The following THSD7B variants were observed in gnomAD, a reference collection of about 807,000 sequenced individuals.
THSD7B encodes the protein thrombospondin type-1 domain-containing protein 7B.
In THSD7B, 138 loss-of-function variants were observed where a neutral mutation model predicts 213.6. The observed-to-expected ratio is 0.65, with a 90% CI of 0.56 to 0.74. The LOEUF (loss-of-function observed/expected upper bound fraction) is 0.74, where lower values mean the gene tolerates loss of function less well. THSD7B is among the 30% of genes least tolerant of loss of function. The probability of loss-of-function intolerance (pLI) is 0.00; values close to 1 mark genes in which losing one functional copy is unlikely to be tolerated. For synonymous variants in THSD7B, 742 were observed against 687.0 expected (o/e 1.08, Z -1.25); for missense variants, 1,931 against 1,991.5 (o/e 0.97, Z 0.58).
At chr2:137,323,081 A>G (rs1181508785) in intron 12 of THSD7B, among the ~76,000 whole-genome samples, 1 of 152,210 alleles carries the variant, frequency 6.6e-6, no homozygotes, top group Admixed American at 6.5e-5. Flanking sequence ...CATACAGTGT[A>G]GTAGAAACTC....
chr2:136,980,072 G>T (rs1163844457), intron 2 of THSD7B, among the ~76,000 whole-genome samples: 1 of 151,962 alleles, frequency 6.6e-6, no homozygotes, highest in Non-Finnish European at 1.5e-5. Flanking sequence ...CTATTCACCT[G>T]GGTCTCTCCT....
chr2:136,805,601 A>G (rs1183748721), intron 1 of THSD7B, among the ~76,000 whole-genome samples: 2 of 151,784 alleles, frequency 1.3e-5, no homozygotes, highest in Admixed American at 6.6e-5. Flanking sequence ...CTCCCCTCTC[A>G]TTTATCCCGC....
chr2:136,921,653 T>C (rs1236534953), intron 2 of THSD7B, among the ~76,000 whole-genome samples: 3 of 152,226 alleles, frequency 2.0e-5, no homozygotes, highest in Non-Finnish European at 4.4e-5. Context: ...TTTCAAGGTG[T>C]TTTAGATTGT....
At chr2:137,642,294 A>G in intron 20 of THSD7B, 194 bp from the exon 21 acceptor site, 1 of 579,446 alleles carries the variant, frequency 1.7e-6, no homozygotes, top group Non-Finnish European at 2.9e-6. Flanking sequence ...CAGATCCTTT[A>G]AGCATTGTGA....
At chr2:137,065,824 A>G (rs1403643323) in intron 3 of THSD7B, among the ~76,000 whole-genome samples, 1 of 152,134 alleles carries the variant, frequency 6.6e-6, no homozygotes, top group African/African-American at 2.4e-5. Flanking sequence ...CCTATAACGG[A>G]GTATTCTGAA....
At chr2:137,170,150 A>G (rs954734130) in intron 6 of THSD7B, among the ~76,000 whole-genome samples, 5 of 152,178 alleles carry the variant, frequency 3.3e-5, no homozygotes, top group Non-Finnish European at 7.4e-5. Context: ...CCCTAGTCCC[A>G]CAGTACACTT....
intron 12 of THSD7B, among the ~76,000 whole-genome samples, chr2:137,308,708 T>C (rs1683816473): frequency 6.6e-6 from 1 of 152,110 alleles, no homozygotes; most frequent in South Asian, 2.1e-4. Context: ...GAGAAAAAGG[T>C]ATAATAAAAA....
intron 21 of THSD7B, among the ~76,000 whole-genome samples, chr2:137,645,166 A>G (rs1389293558): frequency 6.6e-6 from 1 of 152,158 alleles, no homozygotes; most frequent in Non-Finnish European, 1.5e-5. Flanking sequence ...TTCGCTGGTT[A>G]TGTGGGCAGG....
chr2:137,165,957 A>C (rs1680120709), intron 6 of THSD7B, among the ~76,000 whole-genome samples: 1 of 152,158 alleles, frequency 6.6e-6, no homozygotes, highest in Admixed American at 6.5e-5. Context: ...CACATTAAGA[A>C]AAAAAGTAGA....
chr2:137,537,137 G>A (rs1361417624), intron 15 of THSD7B, among the ~76,000 whole-genome samples: 1 of 151,668 alleles, frequency 6.6e-6, no homozygotes, highest in African/African-American at 2.4e-5. Flanking sequence ...CCAATGCATG[G>A]GCAGTCATCA....
At chr2:137,450,800 G>A (rs1687634124) in intron 14 of THSD7B, 45 bp from the exon 15 acceptor site, 3 of 1,414,432 alleles carry the variant, frequency 2.1e-6, no homozygotes, top group Non-Finnish European at 2.9e-6. Context: ...AATTTGATCA[G>A]TACATTTTAA....
chr2:136,822,241 C>G (rs1198502034), intron 1 of THSD7B, among the ~76,000 whole-genome samples: 1 of 152,106 alleles, frequency 6.6e-6, no homozygotes, highest in African/African-American at 2.4e-5. Flanking sequence ...CTCTGAGACC[C>G]CATCCAGACC....
At chr2:136,786,247 A>G (rs1367264709) in intron 1 of THSD7B, among the ~76,000 whole-genome samples, 1 of 152,222 alleles carries the variant, frequency 6.6e-6, no homozygotes, top group Non-Finnish European at 1.5e-5. Context: ...GTCTGTCGGT[A>G]TACATATATG....
intron 1 of THSD7B, among the ~76,000 whole-genome samples, chr2:136,836,948 G>T (rs1025866224): frequency 6.6e-6 from 1 of 152,038 alleles, no homozygotes. Context: ...AATTATTCTT[G>T]AACTTTCTCA....
At chr2:137,116,701 C>T (rs1201673391) in intron 5 of THSD7B, among the ~76,000 whole-genome samples, 2 of 152,062 alleles carry the variant, frequency 1.3e-5, no homozygotes, top group East Asian at 1.9e-4. Context: ...GTCTTTCTAG[C>T]TTTTTGAATG....
intron 1 of THSD7B, among the ~76,000 whole-genome samples, chr2:136,870,354 G>A (rs1683412405): frequency 6.6e-6 from 1 of 152,154 alleles, no homozygotes; most frequent in South Asian, 2.1e-4. Flanking sequence ...TTTAAAAGTT[G>A]ACTCAATAGT....
intron 4 of THSD7B, among the ~76,000 whole-genome samples, chr2:137,100,346 A>C (rs1396422847): frequency 2.0e-5 from 3 of 152,046 alleles, no homozygotes; most frequent in African/African-American, 7.2e-5. Flanking sequence ...GTCTGTGTTC[A>C]CTTAGGTTAT....
chr2:136,809,047 A>G (rs1682333473), intron 1 of THSD7B, among the ~76,000 whole-genome samples: 1 of 152,266 alleles, frequency 6.6e-6, no homozygotes, highest in Non-Finnish European at 1.5e-5. Flanking sequence ...CAGTGAAATA[A>G]ATAAATGACA....
chr2:137,076,420 T>G (rs910476008), intron 3 of THSD7B, among the ~76,000 whole-genome samples: 2 of 152,146 alleles, frequency 1.3e-5, no homozygotes, highest in African/African-American at 4.8e-5. Context: ...TGGTGTGCCG[T>G]TTTTTAGGCC....
Sources: allele counts gnomAD v4.1 joint callset (sites outside exome capture counted in the v4.1 genomes callset), GRCh38; gene constraint gnomAD v4.1.1; transcripts MANE v1.5; gene names NCBI Gene and HGNC (gene_info 2026-07-23, HGNC 2026-07-21).